RPH3A: variants seen among roughly 807,000 people sequenced by gnomAD.
RPH3A encodes rabphilin 3A.
In RPH3A, 48 loss-of-function variants were observed where a neutral mutation model predicts 102.2. The ratio of observed to expected loss-of-function variants is 0.47; its 90% CI spans 0.37 to 0.60. The LOEUF (loss-of-function observed/expected upper bound fraction) is 0.60, where lower values mean the gene tolerates loss of function less well. Ranked by LOEUF, RPH3A falls within the 20% of genes least tolerant of loss-of-function variation. The probability of loss-of-function intolerance (pLI) is 0.00; values close to 1 mark genes in which losing one functional copy is unlikely to be tolerated. For synonymous variants in RPH3A, 310 were observed against 324.3 expected, an observed-to-expected ratio of 0.96 and a Z score of 0.47; for missense variants, 781 against 910.1, an observed-to-expected ratio of 0.86 and a Z score of 1.83.
intron 2 of RPH3A, among the ~76,000 whole-genome samples, chr12:112,820,711 G>T (rs560876303): frequency 2.7e-4 from 41 of 152,314 alleles, no homozygotes; most frequent in African/African-American, 9.1e-4. Context: ...TCTGCCCAAG[G>T]CCATGCAGCT....
intron 16 of RPH3A, among the ~76,000 whole-genome samples, chr12:112,883,646 G>A (rs2042961574): frequency 6.6e-6 from 1 of 151,814 alleles, no homozygotes; most frequent in Admixed American, 6.6e-5. Context: ...GGGGGTGTGT[G>A]TTGGGGGATG....
chr12:112,894,494 T>C, intron 19 of RPH3A, 84 bp from the exon 20 acceptor site: 2 of 1,177,244 alleles, frequency 1.7e-6, no homozygotes, highest in Non-Finnish European at 2.5e-6. Context: ...CAATTCACCC[T>C]GATAAAGAAG....
In RPH3A at chr12:112,642,049, T is replaced by C. The variant is rs146226080; in HGVS notation, c.-140+66730T>C. 2.6e-3 allele frequency among the ~76,000 whole-genome samples: 393 copies of C among 152,312 alleles called. 2 individuals are homozygous for C. Among genetic ancestry groups the C allele is most frequent in the African/African-American group, 8.9e-3 (372 of 41,568 alleles). On this transcript the variant is annotated intron_variant, in intron 1 of 21. Transcript: ENST00000543106. Reference sequence around the variant, plus strand: ...AAGCTCAGGGTGTTTGACTCCTGAGTGCAGGCTATTCCTGCAGCTTGCTAA... The same window carrying C: ...AAGCTCAGGGTGTTTGACTCCTGAGCGCAGGCTATTCCTGCAGCTTGCTAA...
At chr12:112,616,081 T>C (rs971375083) in intron 1 of RPH3A, among the ~76,000 whole-genome samples, 1 of 152,190 alleles carries the variant, frequency 6.6e-6, no homozygotes, top group East Asian at 1.9e-4. Context: ...TATCTGTCTG[T>C]TGTCTTCCAT....
intron 1 of RPH3A, among the ~76,000 whole-genome samples, chr12:112,648,591 A>AAAAAAAAAAAAAAAAAAAG (rs1566241874): frequency 7.5e-6 from 1 of 134,066 alleles, no homozygotes; most frequent in Non-Finnish European, 1.6e-5. Context: ...AAAAAAAAAA[A>AAAAAAAAAAAAAAAAAAAG]AAAAAAAGCT....
chr12:112,723,770 T>C (rs2040567611), intron 1 of RPH3A, among the ~76,000 whole-genome samples: 2 of 152,234 alleles, frequency 1.3e-5, no homozygotes, highest in South Asian at 2.1e-4. Context: ...TTGAGCTCAC[T>C]GAAATAGCAA....
At chr12:112,887,147 C>A (rs1032329192) in intron 16 of RPH3A, among the ~76,000 whole-genome samples, 2 of 152,254 alleles carry the variant, frequency 1.3e-5, no homozygotes, top group South Asian at 4.2e-4. Context: ...AACCCTACTC[C>A]TAGGAAAATA....
intron 2 of RPH3A, among the ~76,000 whole-genome samples, chr12:112,810,007 T>C (rs902765201): frequency 1.3e-5 from 2 of 152,168 alleles, no homozygotes; most frequent in Non-Finnish European, 2.9e-5. Flanking sequence ...GGCTTCGGTA[T>C]CCCCAGATCC....
intron 5 of RPH3A, among the ~76,000 whole-genome samples, chr12:112,855,811 C>T (rs935396575): frequency 6.6e-6 from 1 of 152,090 alleles, no homozygotes; most frequent in Non-Finnish European, 1.5e-5. Context: ...GTAATATCCC[C>T]CTACTTGGCA....
intron 1 of RPH3A, among the ~76,000 whole-genome samples, chr12:112,621,952 A>C (rs1004239477): frequency 2.0e-5 from 3 of 150,692 alleles, no homozygotes; most frequent in African/African-American, 7.3e-5. Context: ...GGGCACACTG[A>C]CACCTCACAC....
At chr12:112,809,121 G>A (rs1221807636) in intron 2 of RPH3A, among the ~76,000 whole-genome samples, 1 of 152,144 alleles carries the variant, frequency 6.6e-6, no homozygotes, top group Non-Finnish European at 1.5e-5. Context: ...GATCCTCAAT[G>A]TTGGCATCTG....
chr12:112,706,071 G>A (rs568662048), intron 1 of RPH3A, among the ~76,000 whole-genome samples: 1 of 152,178 alleles, frequency 6.6e-6, no homozygotes, highest in Non-Finnish European at 1.5e-5. Context: ...TGAAAGACAA[G>A]TATAGGATAA....
chr12:112,766,955 G>A (rs757266801), intron 1 of RPH3A, among the ~76,000 whole-genome samples: 12 of 152,258 alleles, frequency 7.9e-5, no homozygotes, highest in Middle Eastern at 6.8e-3. Context: ...ACACAAAGGC[G>A]CGTTTCAAGG....
At chr12:112,824,438 G>A (rs1302317578) in intron 2 of RPH3A, among the ~76,000 whole-genome samples, 1 of 152,134 alleles carries the variant, frequency 6.6e-6, no homozygotes, top group African/African-American at 2.4e-5. Flanking sequence ...TGCACCAGCT[G>A]TAGGGGGGAT....
At position 112,647,157 on chromosome 12, in the gene RPH3A, C is replaced by T. The variant is rs559452666; in HGVS notation, c.-140+71838C>T. ...TTTAATGGACAAAAGTGATGTTTCC[C>T]TTGGCCTGTTTTTTTTGAAGATATC... is the stretch of plus-strand genomic sequence containing the variant. On this transcript the variant is annotated intron_variant, in intron 1 of 21. Coordinates refer to the RPH3A transcript ENST00000543106. Among the ~76,000 whole-genome samples the T allele has an allele frequency of 2.6e-5, 4 of 152,220 alleles. No homozygotes were observed. In the South Asian group the frequency reaches 8.3e-4, roughly 32 times the overall value.
intron 1 of RPH3A, among the ~76,000 whole-genome samples, chr12:112,592,433 C>T (rs947016234): frequency 3.3e-5 from 5 of 152,154 alleles, no homozygotes; most frequent in African/African-American, 1.2e-4. Context: ...GCTCTTCTGC[C>T]TCAGCTTCCC....
chr12:112,583,214 C>T (rs934142297), intron 1 of RPH3A, among the ~76,000 whole-genome samples: 7 of 152,170 alleles, frequency 4.6e-5, no homozygotes, highest in African/African-American at 1.2e-4. Context: ...TTATCCTCAA[C>T]GACAATAATA....
intron 2 of RPH3A, among the ~76,000 whole-genome samples, chr12:112,814,768 A>G (rs1010278511): frequency 3.9e-5 from 6 of 152,302 alleles, no homozygotes; most frequent in African/African-American, 1.4e-4. Context: ...TGAAGATCAA[A>G]TGAGGTTGTA....
intron 1 of RPH3A, among the ~76,000 whole-genome samples, chr12:112,604,866 C>T (rs1459562633): frequency 2.0e-5 from 3 of 152,210 alleles, no homozygotes; most frequent in African/African-American, 7.2e-5. Flanking sequence ...CTTAAGTGAC[C>T]TCCCAACATG....
Sources: allele counts gnomAD v4.1 joint callset (sites outside exome capture counted in the v4.1 genomes callset), GRCh38; gene constraint gnomAD v4.1.1; transcripts MANE v1.5; gene names NCBI Gene and HGNC (gene_info 2026-07-23, HGNC 2026-07-21).